Variants in LRRC49 observed in about 807,000 individuals in gnomAD.
LRRC49 encodes the protein leucine rich repeat containing 49.
In LRRC49, 50 loss-of-function variants were observed where a neutral mutation model predicts 83.3. The ratio of observed to expected loss-of-function variants is 0.60; its 90% confidence interval spans 0.48 to 0.76. The LOEUF (loss-of-function observed/expected upper bound fraction) is 0.76. LRRC49 is among the 30% of genes least tolerant of loss of function. LRRC49 has a pLI of 0.00. For synonymous variants in LRRC49, 286 were observed against 283.3 expected, an observed-to-expected ratio of 1.01 and a Z score of -0.10; for missense variants, 704 against 809.1, an observed-to-expected ratio of 0.87 and a Z score of 1.58.
Position 70,927,415 on chromosome 15 carries a change from G to A in LRRC49, c.711+8222G>A, listed in dbSNP as rs577745956. Among the ~76,000 whole-genome samples the A allele has an allele frequency of 1.4e-3, 207 of 151,962 alleles. 2 individuals are homozygous for A. Among genetic ancestry groups the A allele is most frequent in the Non-Finnish European group, 1.3e-4 (9 of 67,972 alleles). ...TATATATTGAGTGTATTTTCTCCATGTAAAAAGGCTTGCCTTTTTACTCTC... is the reference window on the plus strand; with the variant it reads ...TATATATTGAGTGTATTTTCTCCATATAAAAAGGCTTGCCTTTTTACTCTC... On this transcript the variant is annotated intron_variant, in intron 7 of 15. Transcript: ENST00000260382.
intron 11 of LRRC49, among the ~76,000 whole-genome samples, chr15:70,988,399 T>G (rs1265588025): frequency 1.3e-5 from 2 of 149,172 alleles, no homozygotes; most frequent in Non-Finnish European, 3.0e-5. Context: ...AATGGCCTTC[T>G]TTGTCTCTTT....
At position 71,009,829 on chromosome 15, in the gene LRRC49, A is replaced by G. The variant is rs971832295; in HGVS notation, c.1430A>G (p.Asn477Ser). 6.2e-7 allele frequency: 1 copy of G among 1,611,670 alleles called. No homozygotes were observed. The highest frequency in any genetic ancestry group is 8.5e-7 in the Non-Finnish European group (1 of 1,178,486). Residue 477 changes from asparagine (N) to serine (S), a missense_variant, in exon 13 of 16, where the codon AAT becomes AGT. Coordinates refer to ENST00000260382, the MANE Select transcript of LRRC49 (RefSeq NM_017691.5). Reference protein sequence around the residue: ...NSLHLKFKETNLVMLQQFNAL... With the variant: ...NSLHLKFKETSLVMLQQFNAL... Reference sequence around the variant, plus strand: ...CAGCACCTTAAATTCAAGGAAACAAATCTTGTAATGCTGCAGCAATTTAAC... The same window carrying G: ...CAGCACCTTAAATTCAAGGAAACAAGTCTTGTAATGCTGCAGCAATTTAAC...
chr15:70,858,969 G>A (rs2032719648), intron 1 of LRRC49: 4 of 844,972 alleles, frequency 4.7e-6, no homozygotes, highest in African/African-American at 1.7e-5. Flanking sequence ...CAACATCCAG[G>A]CTCTACACAC....
intron 9 of LRRC49, among the ~76,000 whole-genome samples, chr15:70,973,725 C>T (rs2037100066): frequency 6.6e-6 from 1 of 152,130 alleles, no homozygotes; most frequent in Non-Finnish European, 1.5e-5. Flanking sequence ...GCTACAGTGA[C>T]TTTGTGGCAC....
intron 9 of LRRC49, among the ~76,000 whole-genome samples, chr15:70,967,297 A>C (rs1189511345): frequency 6.6e-6 from 1 of 152,106 alleles, no homozygotes; most frequent in Non-Finnish European, 1.5e-5. Context: ...CTTGGACATA[A>C]TAGGAGAAAC....
chr15:71,035,519 C>T (rs1012754189), intron 14 of LRRC49, among the ~76,000 whole-genome samples: 16 of 152,046 alleles, frequency 1.1e-4, no homozygotes. Context: ...CTGACAGGCC[C>T]TGGTGTGTGA....
intron 1 of LRRC49, among the ~76,000 whole-genome samples, chr15:70,856,853 C>T (rs975342953): frequency 6.6e-6 from 1 of 152,164 alleles, no homozygotes; most frequent in Non-Finnish European, 1.5e-5. Flanking sequence ...CCCACATACC[C>T]ATCATTTGTG....
chr15:70,907,695 G>A (rs532045782), intron 5 of LRRC49: 130 of 258,828 alleles, frequency 5.0e-4, no homozygotes, highest in African/African-American at 2.7e-3. Context: ...CTGTAGTGAG[G>A]TCTTTATCCT....
chr15:70,909,684 C>T (rs1342270009), intron 5 of LRRC49, among the ~76,000 whole-genome samples: 5 of 152,082 alleles, frequency 3.3e-5, no homozygotes, highest in African/African-American at 7.2e-5. Flanking sequence ...ACCAAAACTA[C>T]AACAATTAGC....
At chr15:70,890,871 G>A (rs1330544177), upstream of LRRC49, among the ~76,000 whole-genome samples, 1 of 152,172 alleles carries the variant, frequency 6.6e-6, no homozygotes, top group East Asian at 1.9e-4. Flanking sequence ...CAGGGACAGT[G>A]GCCTTGGTTA....
chr15:70,988,537 T>C (rs1173121791), intron 11 of LRRC49, among the ~76,000 whole-genome samples: 21 of 152,272 alleles, frequency 1.4e-4, no homozygotes, highest in South Asian at 1.0e-3. Flanking sequence ...TGTCTCTGCA[T>C]GTGAGATGGG....
At chr15:71,034,147 G>A (rs1482391862) in intron 14 of LRRC49, among the ~76,000 whole-genome samples, 4 of 151,940 alleles carry the variant, frequency 2.6e-5, no homozygotes, top group African/African-American at 9.7e-5. Context: ...TCTGACAAAG[G>A]CCTAATATCC....
Position 71,052,675 on chromosome 15 carries a change from A to G in LRRC49, c.*3063A>G, listed in dbSNP as rs1477536602. On this transcript the variant is annotated 3_prime_UTR_variant, in exon 16 of 16. Coordinates refer to ENST00000260382, the MANE Select transcript of LRRC49 (RefSeq NM_017691.5). ...GCACTATTATAAGCTCTTTGTATAC[A>G]TTCTCATTTAATCTCCTAACACTGC... 6.6e-6 allele frequency: 1 copy of G among 152,176 alleles called. No homozygotes were observed. The highest frequency in any genetic ancestry group is 1.5e-5 in the Non-Finnish European group (1 of 68,032). 9.4% of individuals were successfully genotyped at this position (152,176 alleles called of 1,614,324 possible). A position where few individuals can be genotyped will look rare whatever the true frequency, so the allele number is the denominator to read the frequency against.
At chr15:70,974,898 A>G (rs1486665957) in intron 9 of LRRC49, among the ~76,000 whole-genome samples, 3 of 152,178 alleles carry the variant, frequency 2.0e-5, no homozygotes, top group Admixed American at 6.5e-5. Flanking sequence ...AACATCCTGG[A>G]CTTTATTCCA....
chr15:70,993,073 A>G (rs1425987821), intron 11 of LRRC49, among the ~76,000 whole-genome samples: 1 of 152,196 alleles, frequency 6.6e-6, no homozygotes, highest in Admixed American at 6.5e-5. Context: ...CTCAAGCCTC[A>G]GCAATGGTGG....
At chr15:70,894,420 G>A (rs1310450462) in intron 2 of LRRC49, among the ~76,000 whole-genome samples, 2 of 152,168 alleles carry the variant, frequency 1.3e-5, no homozygotes, top group African/African-American at 2.4e-5. Flanking sequence ...TAGACTTAAC[G>A]TTATTTAGAA....
intron 11 of LRRC49, among the ~76,000 whole-genome samples, chr15:70,995,844 G>A (rs2038057012): frequency 6.6e-6 from 1 of 152,158 alleles, no homozygotes; most frequent in Admixed American, 6.5e-5. Flanking sequence ...AGTGAAAATT[G>A]TTGTGCCTTA....
intron 9 of LRRC49, among the ~76,000 whole-genome samples, chr15:70,978,909 T>G (rs1018762456): frequency 6.6e-6 from 1 of 152,194 alleles, no homozygotes; most frequent in African/African-American, 2.4e-5. Flanking sequence ...CTATTAAATC[T>G]CCCTTTGTTG....
intron 7 of LRRC49, among the ~76,000 whole-genome samples, chr15:70,923,366 T>C (rs2035076705): frequency 6.6e-6 from 1 of 151,996 alleles, no homozygotes; most frequent in African/African-American, 2.4e-5. Flanking sequence ...TGTCTAGTAT[T>C]TGTCAGTATT....
Sources: allele counts gnomAD v4.1 joint callset (sites outside exome capture counted in the v4.1 genomes callset), GRCh38; gene constraint gnomAD v4.1.1; transcripts MANE v1.5; gene names NCBI Gene and HGNC (gene_info 2026-07-23, HGNC 2026-07-21).